PPFIBP1: variants seen among roughly 807,000 people sequenced by gnomAD.
PPFIBP1 encodes the protein PPFIB scaffold protein 1.
Under a neutral mutation model 137.8 loss-of-function variants are expected in PPFIBP1, and 112 were observed. The ratio of observed to expected loss-of-function variants is 0.81; its 90% CI spans 0.70 to 0.95. PPFIBP1 has a LOEUF of 0.95. PPFIBP1 is among the 40% of genes least tolerant of loss of function. The pLI is 0.00. For synonymous variants in PPFIBP1, 378 were observed against 417.3 expected (o/e 0.91, Z 1.15); for missense variants, 1,083 against 1,196.6 (o/e 0.91, Z 1.40).
intron 12 of PPFIBP1, among the ~76,000 whole-genome samples, chr12:27,664,942 C>A (rs1048382811): frequency 6.6e-6 from 1 of 152,194 alleles, no homozygotes; most frequent in African/African-American, 2.4e-5. Context: ...AATCCCAGCA[C>A]TTTGGGAGGC....
At chr12:27,592,597 A>G in intron 2 of PPFIBP1, 1 of 1,580,676 alleles carries the variant, frequency 6.3e-7, no homozygotes, top group Non-Finnish European at 8.7e-7. Flanking sequence ...AGGGGAGAGG[A>G]TATGCTGCCT....
intron 4 of PPFIBP1, among the ~76,000 whole-genome samples, chr12:27,643,900 G>A (rs2058284974): frequency 7.3e-6 from 1 of 137,244 alleles, no homozygotes. Context: ...TATCAATACA[G>A]TACTGAGAAA....
Position 27,591,621 on chromosome 12 carries a change from C to T in PPFIBP1, c.-36+13382C>T, listed in dbSNP as rs552432591. The stretch of plus-strand genomic sequence containing the variant: ...AGTTCCTCAGGAGAATGTCTACTTG[C>T]AACAACAGTAATAATATTTATCAAG... On this transcript the variant is annotated intron_variant, in intron 2 of 29. Transcript: ENST00000228425. 8.5e-5 allele frequency among the ~76,000 whole-genome samples: 13 copies of T among 152,298 alleles called. No homozygotes were observed. In the East Asian group the frequency reaches 2.5e-3, roughly 29 times the overall value.
chr12:27,593,748 G>A, intron 2 of PPFIBP1: 1 of 683,790 alleles, frequency 1.5e-6, no homozygotes, highest in Non-Finnish European at 2.4e-6. Context: ...TGTGTTGTCA[G>A]AGCCAACGTC....
intron 2 of PPFIBP1, among the ~76,000 whole-genome samples, chr12:27,599,814 G>A (rs748590761): frequency 3.3e-5 from 5 of 152,182 alleles, no homozygotes; most frequent in African/African-American, 1.2e-4. Context: ...ATTTGACAGA[G>A]TTTCTGACAA....
At chr12:27,580,963 T>TAC (rs2051046293) in intron 2 of PPFIBP1, among the ~76,000 whole-genome samples, 1 of 151,786 alleles carries the variant, frequency 6.6e-6, no homozygotes, top group South Asian at 2.1e-4. Context: ...CAGGCTGGAG[T>TAC]ACAGTGATGT....
intron 1 of PPFIBP1, among the ~76,000 whole-genome samples, chr12:27,528,276 G>T (rs1039351312): frequency 6.6e-6 from 1 of 152,070 alleles, no homozygotes; most frequent in Non-Finnish European, 1.5e-5. Context: ...TGAATAAAGG[G>T]AACAAAATGT....
At chr12:27,641,462 C>T (rs534303663) in intron 4 of PPFIBP1, among the ~76,000 whole-genome samples, 3 of 152,246 alleles carry the variant, frequency 2.0e-5, no homozygotes, top group Admixed American at 6.5e-5. Flanking sequence ...TCCTACCTTC[C>T]GTGAAGTAAT....
rs533149011 is a variant in PPFIBP1, at chr12:27,581,561, A to G, written c.-36+3322A>G. On this transcript the variant is annotated intron_variant, in intron 2 of 29. Transcript: ENST00000228425. ...ATGTCATCCCCAAAGAAAAGCATCT[A>G]CTGTGGATTTGTCCTTTGCGCCCTT... is the stretch of plus-strand genomic sequence containing the variant. Among the ~76,000 whole-genome samples, 5 of 152,280 alleles carry G rather than the reference A, an allele frequency of 3.3e-5. No homozygotes were observed. In the East Asian group the frequency reaches 9.7e-4, roughly 29 times the overall value.
intron 15 of PPFIBP1, 42 bp from the exon 16 acceptor site, chr12:27,673,725 C>A: frequency 1.3e-6 from 2 of 1,550,570 alleles, no homozygotes; most frequent in Non-Finnish European, 1.8e-6. Flanking sequence ...AACAGTGGCA[C>A]TGGAGCCACT....
chr12:27,537,543 A>T (rs117127960), intron 1 of PPFIBP1, among the ~76,000 whole-genome samples: 7,809 of 152,200 alleles, frequency 0.051, 267 homozygotes, highest in Middle Eastern at 0.11. Context: ...GCCATGGCTT[A>T]CAGCAGAGTT....
intron 2 of PPFIBP1, among the ~76,000 whole-genome samples, chr12:27,632,677 A>G (rs1386679474): frequency 7.9e-5 from 12 of 152,210 alleles, no homozygotes; most frequent in Non-Finnish European, 1.8e-4. Context: ...CTGTGTTTCC[A>G]TGCAAAAATC....
At chr12:27,634,803 T>G in intron 3 of PPFIBP1, 107 bp from the exon 4 acceptor site, 1 of 919,660 alleles carries the variant, frequency 1.1e-6, no homozygotes, top group Non-Finnish European at 1.7e-6. Context: ...TTTTTCTGTT[T>G]CTTTTGATTG....
At chr12:27,562,279 G>A (rs974067316) in intron 1 of PPFIBP1, among the ~76,000 whole-genome samples, 4 of 151,080 alleles carry the variant, frequency 2.6e-5, no homozygotes, top group African/African-American at 9.8e-5. Flanking sequence ...TTGAATAAAA[G>A]AAAGAAGTGA....
rs985392197 is a variant in PPFIBP1 at position 27,636,201 on chromosome 12, G to C, written c.270+1086G>C. ...GTGTTCCCACCTGGTTTACCTCTGCGTTTCTGAGAGCGAATAGTACAATCT... is the reference window on the plus strand; with the variant it reads ...GTGTTCCCACCTGGTTTACCTCTGCCTTTCTGAGAGCGAATAGTACAATCT... On this transcript the variant is annotated intron_variant, in intron 4 of 29. Coordinates refer to ENST00000228425, the MANE Select transcript of PPFIBP1 (RefSeq NM_003622.4). 2.6e-5 allele frequency: 4 copies of C among 152,304 alleles called. No homozygotes were observed. The East Asian group carries it at 7.7e-4, about 29-fold the overall frequency. 9.4% of individuals were successfully genotyped at this position (152,304 alleles called of 1,614,324 possible).
chr12:27,645,330 T>C (rs770402616), intron 4 of PPFIBP1, among the ~76,000 whole-genome samples: 27 of 152,336 alleles, frequency 1.8e-4, no homozygotes, highest in Non-Finnish European at 2.9e-4. Flanking sequence ...TTGTGTGTCT[T>C]TTTCATGACT....
chr12:27,612,334 T>G (rs2055217609), intron 2 of PPFIBP1, among the ~76,000 whole-genome samples: 1 of 138,864 alleles, frequency 7.2e-6, no homozygotes, highest in Admixed American at 7.1e-5. Context: ...TGGTGTTTTT[T>G]TTTTTTTTTT....
chr12:27,645,342 G>A (rs74074056), intron 4 of PPFIBP1, among the ~76,000 whole-genome samples: 1,993 of 152,260 alleles, frequency 0.013, 45 homozygotes, highest in African/African-American at 0.044. Flanking sequence ...TTCATGACTT[G>A]CATGTGAGGC....
chr12:27,653,658 T>C (rs1190606280), intron 7 of PPFIBP1, among the ~76,000 whole-genome samples: 2 of 151,012 alleles, frequency 1.3e-5, no homozygotes, highest in African/African-American at 4.9e-5. Context: ...GGGATCTTTG[T>C]GGCTTGTAGT....
Sources: allele counts gnomAD v4.1 joint callset (sites outside exome capture counted in the v4.1 genomes callset), GRCh38; gene constraint gnomAD v4.1.1; transcripts MANE v1.5; gene names NCBI Gene and HGNC (gene_info 2026-07-23, HGNC 2026-07-21).